The following RORB variants were observed in gnomAD, a reference collection of about 807,000 sequenced individuals.
RORB encodes nuclear receptor ROR-beta.
A neutral mutation model predicts 59.1 loss-of-function variants in RORB; 6 were observed. The observed-to-expected ratio is 0.10, with a 90% confidence interval of 0.06 to 0.20. The LOEUF (loss-of-function observed/expected upper bound fraction) is 0.20, where lower values mean the gene tolerates loss of function less well. RORB is among the 10% of genes least tolerant of loss of function. The pLI is 1.00. For missense variants in RORB, 320 were observed against 560.5 expected (o/e 0.57, Z 4.33); for synonymous variants, 215 against 204.5 (o/e 1.05, Z -0.44).
intron 1 of RORB, among the ~76,000 whole-genome samples, chr9:74,534,562 T>G (rs1012271739): frequency 6.6e-6 from 1 of 152,022 alleles, no homozygotes; most frequent in Non-Finnish European, 1.5e-5. Flanking sequence ...GCTTCATTTT[T>G]AATGACAGAT....
At chr9:74,672,886 C>G (rs1458965017) in intron 9 of RORB, among the ~76,000 whole-genome samples, 17 of 152,190 alleles carry the variant, frequency 1.1e-4, no homozygotes, top group Admixed American at 1.1e-3. Context: ...CCTTCCCACT[C>G]TGCCCTTGAA....
chr9:74,507,911 T>C (rs1214984463), intron 1 of RORB, among the ~76,000 whole-genome samples: 3 of 152,032 alleles, frequency 2.0e-5, no homozygotes, highest in Admixed American at 6.6e-5. Flanking sequence ...AGAGGAACAT[T>C]TGTTCAGGAA....
chr9:74,655,829 C>T lies in RORB; in HGVS notation c.638-4788C>T, dbSNP rs374205702. On this transcript the variant is annotated intron_variant, in intron 4 of 9. Transcript: ENST00000376896. Reference sequence around the variant, plus strand: ...CATGAGACCAAGTCTAGCTGTACCGCGTCTTGTAACAAGCTGAGCTTTGAG... The same window carrying T: ...CATGAGACCAAGTCTAGCTGTACCGTGTCTTGTAACAAGCTGAGCTTTGAG... Among the ~76,000 whole-genome samples the T allele has an allele frequency of 1.8e-4, 27 of 152,288 alleles. No individual in the cohort carries two copies. The East Asian group carries it at 4.4e-3, about 25-fold the overall frequency.
chr9:74,671,842 T>C lies in RORB; in HGVS notation c.1165T>C (p.Tyr389His), dbSNP rs866708202. The change falls in exon 9 of 10, where the codon TAT (tyrosine) becomes CAT (histidine). Residue 389 changes from tyrosine to histidine, a missense_variant. Physicochemically the swap from Tyr to His is moderately conservative, Grantham distance 83. Around this residue, in one of 4 missense-constraint regions of RORB, gnomAD observed 109 missense variants for 171.0 expected, o/e 0.64. Coordinates refer to ENST00000376896, the MANE Select transcript of RORB (RefSeq NM_006914.4). The stretch of plus-strand genomic sequence containing the variant: ...AGTCCAGAAGCTTCAGGAAAAAATT[T>C]ATTTTGCACTTCAACATGTGATTCA... ...RKVQKLQEKI[Y>H]FALQHVIQKN... The C allele has an allele frequency of 6.2e-7, 1 of 1,612,962 alleles. No homozygotes were observed. The highest frequency in any genetic ancestry group is 1.3e-5 in the African/African-American group (1 of 74,936).
intron 1 of RORB, among the ~76,000 whole-genome samples, chr9:74,566,754 G>A (rs887377439): frequency 2.6e-5 from 4 of 152,180 alleles, no homozygotes; most frequent in Non-Finnish European, 4.4e-5. Context: ...CTGAGATGGT[G>A]CCACTGCGCT....
intron 3 of RORB, among the ~76,000 whole-genome samples, chr9:74,639,165 C>A (rs897946820): frequency 3.3e-5 from 5 of 152,298 alleles, no homozygotes; most frequent in Admixed American, 6.5e-5. Flanking sequence ...CCTGGGATGA[C>A]CAAGGAGGTC....
intron 2 of RORB, among the ~76,000 whole-genome samples, chr9:74,630,754 C>T (rs995459967): frequency 4.0e-5 from 6 of 151,368 alleles, no homozygotes; most frequent in African/African-American, 1.2e-4. Flanking sequence ...ATTTAACTTT[C>T]TGCTTGAGAA....
rs186721935 is a variant in RORB, at chr9:74,588,542, A to G, written c.8-41740A>G. On this transcript the variant is annotated intron_variant, in intron 1 of 9. Transcript: ENST00000376896. The stretch of plus-strand genomic sequence containing the variant: ...CTACCTCTCATCCTAATAAATGCCA[A>G]TATATATGGTGTAATATTATTATAG... Among the ~76,000 whole-genome samples, 1,234 of 152,298 alleles carry G rather than the reference A, an allele frequency of 8.1e-3. 10 individuals are homozygous for G. Among genetic ancestry groups the G allele is most frequent in the Non-Finnish European group, 0.013 (899 of 68,018 alleles).
chr9:74,589,269 T>C (rs1822852130), intron 1 of RORB, among the ~76,000 whole-genome samples: 1 of 152,170 alleles, frequency 6.6e-6, no homozygotes, highest in African/African-American at 2.4e-5. Flanking sequence ...ATGAAAGAAT[T>C]TGTGGCCCTA....
intron 8 of RORB, among the ~76,000 whole-genome samples, chr9:74,669,724 C>T (rs1824319860): frequency 6.6e-6 from 1 of 152,010 alleles, no homozygotes; most frequent in Admixed American, 6.5e-5. Context: ...CTCATTTCTT[C>T]TGTTACCCGT....
chr9:74,523,848 A>G (rs1826116723), intron 1 of RORB, among the ~76,000 whole-genome samples: 1 of 151,786 alleles, frequency 6.6e-6, no homozygotes. Flanking sequence ...TGATCAACTG[A>G]TATATGCACC....
chr9:74,605,881 G>A (rs906560648), intron 1 of RORB, among the ~76,000 whole-genome samples: 1 of 152,094 alleles, frequency 6.6e-6, no homozygotes, highest in Admixed American at 6.6e-5. Flanking sequence ...GACACAGATT[G>A]CTATCATGTT....
intron 9 of RORB, among the ~76,000 whole-genome samples, chr9:74,683,218 C>A (rs1824576021): frequency 6.6e-6 from 1 of 152,160 alleles, no homozygotes; most frequent in African/African-American, 2.4e-5. Flanking sequence ...AGCCACTCTG[C>A]ATTCAACAGC....
chr9:74,667,610 C>A (rs1824287562), intron 7 of RORB, among the ~76,000 whole-genome samples, 181 bp from the exon 8 acceptor site: 1 of 152,110 alleles, frequency 6.6e-6, no homozygotes, highest in African/African-American at 2.4e-5. Flanking sequence ...AGATGTTGCC[C>A]AATTTTCTCA....
chr9:74,621,238 C>T (rs1411654379), intron 1 of RORB, among the ~76,000 whole-genome samples: 1 of 152,272 alleles, frequency 6.6e-6, no homozygotes, highest in African/African-American at 2.4e-5. Context: ...ACTTCCCTAA[C>T]AATTCCCTGC....
chr9:74,602,726 ATTTAATGCC>A (rs1823087224), intron 1 of RORB, among the ~76,000 whole-genome samples: 1 of 152,218 alleles, frequency 6.6e-6, no homozygotes, highest in Admixed American at 6.5e-5. Context: ...GTATCTGGCT[ATTTAATGCC>A]TTTTCTCCTG....
intron 1 of RORB, among the ~76,000 whole-genome samples, chr9:74,525,860 C>T (rs965608668): frequency 2.6e-5 from 4 of 151,860 alleles, no homozygotes; most frequent in African/African-American, 4.8e-5. Context: ...GTAGAGCCAA[C>T]GCTGAGAGAC....
chr9:74,521,197 G>C (rs763206420), intron 1 of RORB, among the ~76,000 whole-genome samples: 2 of 151,912 alleles, frequency 1.3e-5, no homozygotes, highest in Non-Finnish European at 1.5e-5. Flanking sequence ...GGGTCTAATC[G>C]TAAGTCCAAG....
chr9:74,687,673 A>G lies in RORB; in HGVS notation c.*2055A>G, dbSNP rs1455064090. ...CTTATTATGCTGCTACAGGGACTCA[A>G]TTCTTTTTGGTGTAAATGTCACTCC... On this transcript the variant is annotated 3_prime_UTR_variant, in exon 10 of 10. Coordinates refer to ENST00000376896, the MANE Select transcript of RORB (RefSeq NM_006914.4). 6.6e-6 allele frequency: 1 copy of G among 152,194 alleles called. No homozygotes were observed. The highest frequency in any genetic ancestry group is 2.4e-5 in the African/African-American group (1 of 41,452). 9.4% of individuals were successfully genotyped at this position (152,194 alleles called of 1,614,324 possible). A position where few individuals can be genotyped will look rare whatever the true frequency, so the allele number is the denominator to read the frequency against.
Sources: gnomAD v4.1 joint callset for allele counts (sites outside exome capture counted in the v4.1 genomes callset) on GRCh38, gnomAD v4.1.1 for gene constraint, gnomAD v4.1.1 regional missense constraint, MANE v1.5 for transcripts, NCBI Gene and HGNC (gene_info 2026-07-23, HGNC 2026-07-21) for gene names.